Variants in TMED3 observed in about 807,000 individuals in gnomAD.
TMED3 encodes the protein transmembrane p24 trafficking protein 3, also known as transmembrane emp24 domain-containing protein 3.
Under a neutral mutation model 15.0 loss-of-function variants are expected in TMED3, and 9 were observed. The ratio of observed to expected loss-of-function variants is 0.60; its 90% CI spans 0.36 to 1.04. TMED3 has a LOEUF of 1.04. Ranked by LOEUF, TMED3 falls within the 50% of genes least tolerant of loss-of-function variation. The pLI is 0.01. For missense variants in TMED3, 267 were observed against 278.9 expected, an observed-to-expected ratio of 0.96 and a Z score of 0.30; for synonymous variants, 117 against 121.4, an observed-to-expected ratio of 0.96 and a Z score of 0.24.
At chr15:79,404,731 T>G (rs762286017) in intron 2 of TMED3, among the ~76,000 whole-genome samples, 2 of 152,238 alleles carry the variant, frequency 1.3e-5, no homozygotes, top group Non-Finnish European at 2.9e-5. Context: ...TTCATCCCAC[T>G]TCTCCTTCCA....
At chr15:79,409,154 G>C (rs565068183) in intron 2 of TMED3, among the ~76,000 whole-genome samples, 1 of 152,062 alleles carries the variant, frequency 6.6e-6, no homozygotes, top group African/African-American at 2.4e-5. Flanking sequence ...TCCAACTGCA[G>C]GATGCATCCT....
intron 2 of TMED3, among the ~76,000 whole-genome samples, chr15:79,318,041 C>A (rs997560114): frequency 6.6e-6 from 1 of 152,230 alleles, no homozygotes; most frequent in Non-Finnish European, 1.5e-5. Flanking sequence ...GCATCCCCAT[C>A]ACCATGTCAG....
chr15:79,316,350 C>A (rs1370201585), intron 2 of TMED3, among the ~76,000 whole-genome samples: 1 of 152,194 alleles, frequency 6.6e-6, no homozygotes, highest in Non-Finnish European at 1.5e-5. Flanking sequence ...TCCAGGCTTC[C>A]TGAGAATCTG....
At chr15:79,376,520 G>A (rs934748325) in intron 2 of TMED3, among the ~76,000 whole-genome samples, 10 of 152,102 alleles carry the variant, frequency 6.6e-5, no homozygotes, top group African/African-American at 2.2e-4. Context: ...GAGAATTTAC[G>A]GGGAAGTGTT....
chr15:79,314,016 A>G lies in TMED3; in HGVS notation c.417+11A>G. 9 of 1,614,002 alleles carry G rather than the reference A, an allele frequency of 5.6e-6. No individual in the cohort carries two copies. The highest frequency in any genetic ancestry group is 2.2e-5 in the East Asian group (1 of 44,878). ...ACAGCTCTCACCCAGGTGAGTGAAC[A>G]TTAGCAGTTCGGGGCTGCTGAACCC... On this transcript the variant is annotated intron_variant, in intron 2 of 2. Transcript: ENST00000299705.
At chr15:79,316,629 G>A (rs989311071) in intron 2 of TMED3, among the ~76,000 whole-genome samples, 11 of 152,164 alleles carry the variant, frequency 7.2e-5, no homozygotes. Context: ...ATGTCAGCGT[G>A]GAGATGGAGG....
intron 2 of TMED3, among the ~76,000 whole-genome samples, chr15:79,314,864 A>T (rs1415367485): frequency 6.6e-6 from 1 of 152,100 alleles, no homozygotes; most frequent in Non-Finnish European, 1.5e-5. Context: ...CTTCCCTTTC[A>T]TATGCAGGCT....
At chr15:79,320,108 AC>A (rs1478181298) in intron 2 of TMED3, among the ~76,000 whole-genome samples, 1 of 152,070 alleles carries the variant, frequency 6.6e-6, no homozygotes, top group Non-Finnish European at 1.5e-5. Flanking sequence ...TTTCCTTGAC[AC>A]TGACGCTACC....
intron 2 of TMED3, among the ~76,000 whole-genome samples, chr15:79,352,682 A>ATG (rs2058895978): frequency 6.9e-6 from 1 of 145,888 alleles, no homozygotes; most frequent in Admixed American, 7.0e-5. Context: ...AAATATATAT[A>ATG]TATATGTAAC....
chr15:79,378,591 T>A (rs1893468063), intron 2 of TMED3, among the ~76,000 whole-genome samples: 1 of 152,202 alleles, frequency 6.6e-6, no homozygotes, highest in South Asian at 2.1e-4. Flanking sequence ...CATGACCATA[T>A]GACATGCCTA....
chr15:79,319,016 T>C (rs368088554), intron 2 of TMED3, among the ~76,000 whole-genome samples: 1 of 152,138 alleles, frequency 6.6e-6, no homozygotes, highest in East Asian at 1.9e-4. Context: ...TACACTCCAG[T>C]TGTGAAAGAT....
chr15:79,386,625 C>T lies in TMED3; in HGVS notation c.418-24775C>T, dbSNP rs146850414. On this transcript the variant is annotated intron_variant, in intron 2 of 2. Coordinates refer to the TMED3 transcript ENST00000424155. ...TGCGATCTCAGCTCATTGCAACCTC[C>T]GCCTCCCAGGTTCAAGCAATTCTCT... Among the ~76,000 whole-genome samples the T allele has an allele frequency of 6.6e-5, 10 of 151,862 alleles. No individual in the cohort carries two copies. In the East Asian group the frequency reaches 1.6e-3, roughly 24 times the overall value.
At chr15:79,320,665 C>A (rs1038533111) in intron 2 of TMED3, among the ~76,000 whole-genome samples, 2 of 152,178 alleles carry the variant, frequency 1.3e-5, no homozygotes, top group Non-Finnish European at 2.9e-5. Context: ...GTCTTGGATA[C>A]ATGGTGGTTT....
intron 2 of TMED3, among the ~76,000 whole-genome samples, chr15:79,394,288 A>G (rs1893736560): frequency 6.6e-6 from 1 of 152,220 alleles, no homozygotes; most frequent in Non-Finnish European, 1.5e-5. Flanking sequence ...TCAGAAAATC[A>G]GCCTTGCCGA....
chr15:79,311,402 C>A lies in TMED3; in HGVS notation c.153C>A (p.Phe51Leu). The A allele has an allele frequency of 6.2e-7, 1 of 1,610,580 alleles. No individual in the cohort carries two copies. Among genetic ancestry groups the A allele is most frequent in the Non-Finnish European group, 8.5e-7 (1 of 1,178,764 alleles). The change falls in exon 1 of 3, where the codon TTC (phenylalanine) becomes TTA (leucine). Residue 51 changes from phenylalanine (F) to leucine (L), a missense_variant. Phe to Leu is a conservative substitution (Grantham distance 22, BLOSUM62 0). This residue lies in a region of TMED3 where 69 missense variants were observed against 106.8 expected (regional missense o/e 0.65). Transcript: ENST00000299705. Reference protein sequence around the residue: ...FHEEVEQGVKFSLDYQVITGG... With the variant: ...FHEEVEQGVKLSLDYQVITGG... ...AGGAGGTGGAGCAGGGCGTGAAGTT[C>A]TCCCTGGATTACCAGGTGAGGCCGG...
chr15:79,395,776 A>G (rs1893755437), intron 2 of TMED3, among the ~76,000 whole-genome samples: 1 of 152,156 alleles, frequency 6.6e-6, no homozygotes, highest in African/African-American at 2.4e-5. Context: ...ACACCCTTTT[A>G]TAGGCCTTTT....
downstream of TMED3, among the ~76,000 whole-genome samples, chr15:79,324,388 T>TA (rs1324610435): frequency 6.6e-6 from 1 of 152,156 alleles, no homozygotes; most frequent in Non-Finnish European, 1.5e-5. Flanking sequence ...TACAATAGGG[T>TA]ACTCTATATA....
intron 2 of TMED3, among the ~76,000 whole-genome samples, chr15:79,328,682 C>T (rs2058796475): frequency 6.6e-6 from 1 of 152,174 alleles, no homozygotes; most frequent in Non-Finnish European, 1.5e-5. Flanking sequence ...GGTGACCATC[C>T]TCCACATCAA....
intron 2 of TMED3, chr15:79,314,567 G>C (rs1470780107): frequency 2.2e-6 from 1 of 455,504 alleles, no homozygotes; most frequent in Admixed American, 2.3e-5. Flanking sequence ...GCCTGTAGCT[G>C]CCAAAGGAAG....
Sources: allele counts gnomAD v4.1 joint callset (sites outside exome capture counted in the v4.1 genomes callset), GRCh38; gene constraint gnomAD v4.1.1; regional missense constraint gnomAD v4.1.1; transcripts MANE v1.5; gene names NCBI Gene and HGNC (gene_info 2026-07-23, HGNC 2026-07-21).